RFX7: variants seen among roughly 807,000 people sequenced by gnomAD.
The protein encoded by RFX7 is regulatory factor X7.
In RFX7, 26 loss-of-function variants were observed where a neutral mutation model predicts 111.8. The ratio of observed to expected loss-of-function variants is 0.23; its 90% confidence interval spans 0.17 to 0.32. The LOEUF (loss-of-function observed/expected upper bound fraction) is 0.32, where lower values mean the gene tolerates loss of function less well. RFX7 is among the 10% of genes least tolerant of loss of function. The pLI, the probability that RFX7 is intolerant of heterozygous loss-of-function variation, is 1.00. For synonymous variants in RFX7, 624 were observed against 624.4 expected, an observed-to-expected ratio of 1.00 and a Z score of 0.01; for missense variants, 1,573 against 1,772.9, an observed-to-expected ratio of 0.89 and a Z score of 2.02.
At chr15:56,241,893 G>T (rs2043693643) in intron 2 of RFX7, among the ~76,000 whole-genome samples, 1 of 152,160 alleles carries the variant, frequency 6.6e-6, no homozygotes, top group Non-Finnish European at 1.5e-5. Flanking sequence ...AACTATTAAA[G>T]CCTGCACTGA....
At chr15:56,136,799 CTAAT>C (rs1281542884) in intron 5 of RFX7, among the ~76,000 whole-genome samples, 6 of 142,852 alleles carry the variant, frequency 4.2e-5, no homozygotes, top group African/African-American at 1.6e-4. Flanking sequence ...CCATCAATAC[CTAAT>C]TTATTGAGAG....
chr15:56,237,955 G>A (rs2043643550), intron 2 of RFX7, among the ~76,000 whole-genome samples: 1 of 152,142 alleles, frequency 6.6e-6, no homozygotes, highest in South Asian at 2.1e-4. Flanking sequence ...AGGGTAGGTA[G>A]GAGGTCAACC....
intron 3 of RFX7, among the ~76,000 whole-genome samples, chr15:56,174,741 C>T (rs542664022): frequency 2.0e-5 from 3 of 151,664 alleles, no homozygotes; most frequent in South Asian, 2.1e-4. Context: ...AGCCAGACTC[C>T]GTCTAAGAAA....
rs769221987 is a variant in RFX7 at position 56,096,098 on chromosome 15, A to T, written c.1630T>A (p.Ser544Thr). The T allele has an allele frequency of 5.6e-6, 9 of 1,613,594 alleles. No homozygotes were observed. Among genetic ancestry groups the T allele is most frequent in the Non-Finnish European group, 7.6e-6 (9 of 1,179,796 alleles). Residue 544 changes from serine to threonine, a missense_variant, in exon 10 of 10, where the codon TCA becomes ACA. This residue lies in a region of RFX7 where 625 missense variants were observed against 632.2 expected (regional missense o/e 0.99). Coordinates refer to ENST00000559447, the MANE Select transcript of RFX7 (RefSeq NM_022841.7). Reference sequence around the variant, plus strand: ...CACTGTACAGGATGCTCATCTGATGATGTTTCGGGTTCCACTTTGACTTCC... The same window carrying T: ...CACTGTACAGGATGCTCATCTGATGTTGTTTCGGGTTCCACTTTGACTTCC... ...AVEVKVEPET[S>T]SDEHPVQCQE... is the part of the protein sequence containing the mutation.
intron 3 of RFX7, among the ~76,000 whole-genome samples, chr15:56,174,744 C>T (rs1471201343): frequency 6.6e-6 from 1 of 151,562 alleles, no homozygotes. Context: ...CAGACTCCGT[C>T]TAAGAAAAAT....
At chr15:56,244,816 C>T (rs2043806269), upstream of RFX7, among the ~76,000 whole-genome samples, 1 of 151,792 alleles carries the variant, frequency 6.6e-6, no homozygotes, top group African/African-American at 2.4e-5. Flanking sequence ...GACTCCGCAC[C>T]ATTCCCCCCC....
intron 2 of RFX7, among the ~76,000 whole-genome samples, chr15:56,216,707 G>A (rs2043366097): frequency 6.6e-6 from 1 of 152,018 alleles, no homozygotes. Context: ...CCAAGTACAA[G>A]CCAGTTAAAT....
intron 2 of RFX7, among the ~76,000 whole-genome samples, chr15:56,224,582 A>T (rs775954519): frequency 2.6e-5 from 4 of 152,024 alleles, no homozygotes; most frequent in Non-Finnish European, 4.4e-5. Flanking sequence ...ACGTAGTTAC[A>T]TGAAGTCGTT....
chr15:56,095,093 C>T lies in RFX7; in HGVS notation c.2635G>A (p.Asp879Asn). The change falls in exon 10 of 10, where the codon GAT becomes AAT. Residue 879 changes from aspartate (D) to asparagine (N), a missense_variant. By Grantham distance (23) the Asp-to-Asn change is conservative. Around this residue, in one of 7 missense-constraint regions of RFX7, gnomAD observed 625 missense variants for 632.2 expected, o/e 0.99. Transcript: ENST00000559447. Reference sequence around the variant, plus strand: ...ATACTATCTTGTGTAAGTTCATCATCAAAAGGAAAGTAGCTTTCATTTGTC... The same window carrying T: ...ATACTATCTTGTGTAAGTTCATCATTAAAAGGAAAGTAGCTTTCATTTGTC... ...SQTNESYFPF[D>N]DELTQDSIVE... 1 of 1,613,894 alleles carries T rather than the reference C, an allele frequency of 6.2e-7. No individual in the cohort carries two copies. The highest frequency in any genetic ancestry group is 1.1e-5 in the South Asian group (1 of 91,064).
intron 5 of RFX7, among the ~76,000 whole-genome samples, chr15:56,142,541 C>G (rs1389007866): frequency 6.6e-6 from 1 of 152,132 alleles, no homozygotes; most frequent in African/African-American, 2.4e-5. Context: ...CACTCTCTGA[C>G]CTCCCTCCTG....
chr15:56,151,283 T>TA (rs1283042701), intron 3 of RFX7, among the ~76,000 whole-genome samples: 7 of 151,402 alleles, frequency 4.6e-5, no homozygotes, highest in Non-Finnish European at 1.0e-4. Flanking sequence ...TGAAATGAAA[T>TA]AAAAAATGGT....
At position 56,102,169 on chromosome 15, in the gene RFX7, C is replaced by T. The variant is rs2041762450; in HGVS notation, c.603G>A (p.Gly201=). The T allele has an allele frequency of 6.2e-7, 1 of 1,605,448 alleles. No individual in the cohort carries two copies. Among genetic ancestry groups the T allele is most frequent in the East Asian group, 2.2e-5 (1 of 44,780 alleles). The change falls in exon 7 of 10, where the codon GGG becomes GGA. Residue 201 remains glycine, a splice_region_variant and synonymous_variant. Coordinates refer to ENST00000559447, the MANE Select transcript of RFX7 (RefSeq NM_022841.7). Reference sequence around the variant, plus strand: ...TAAAAAGAAAAGGCTGAATTCTTACCCCATCTCCAGTTTTGTGAAAGTCAA... The same window carrying T: ...TAAAAAGAAAAGGCTGAATTCTTACTCCATCTCCAGTTTTGTGAAAGTCAA... ...PNLDFHKTGD[G]LEGAEPSGQL... is the part of the protein sequence containing the mutation.
At chr15:56,164,708 G>A (rs751447429) in intron 3 of RFX7, among the ~76,000 whole-genome samples, 6 of 152,056 alleles carry the variant, frequency 3.9e-5, no homozygotes, top group East Asian at 1.9e-4. Flanking sequence ...CCTCTGCCGC[G>A]ATTTTTTTTC....
Position 56,096,014 on chromosome 15 carries a change from T to C in RFX7, c.1714A>G (p.Lys572Glu). ...TGCAGTGCTCCGTCTGTATTACTTTTCTGCCCCAAAAGGGCACTAGGTGTC... is the reference window on the plus strand; with the variant it reads ...TGCAGTGCTCCGTCTGTATTACTTTCCTGCCCCAAAAGGGCACTAGGTGTC... ...PQTPSALLGQKSNTDGALQKP... is the reference protein window; with the variant it reads ...PQTPSALLGQESNTDGALQKP... The change falls in exon 10 of 10, where the codon AAA becomes GAA. Residue 572 changes from lysine to glutamate, a missense_variant. Physicochemically the swap from Lys to Glu is moderately conservative, Grantham distance 56 (BLOSUM62 1). This residue lies in a region of RFX7 where 625 missense variants were observed against 632.2 expected (regional missense o/e 0.99). Transcript: ENST00000559447. 1.2e-6 allele frequency: 2 copies of C among 1,613,054 alleles called. No homozygotes were observed. Among genetic ancestry groups the C allele is most frequent in the Non-Finnish European group, 1.7e-6 (2 of 1,179,500 alleles).
chr15:56,166,097 TC>T (rs2042779144), intron 3 of RFX7, among the ~76,000 whole-genome samples: 2 of 152,162 alleles, frequency 1.3e-5, no homozygotes, highest in South Asian at 4.1e-4. Context: ...AGATGGGATC[TC>T]CCTATATTGC....
rs781042944 is a variant in RFX7 at position 56,094,942 on chromosome 15, G to A, written c.2786C>T (p.Thr929Ile). Residue 929 changes from threonine to isoleucine, a missense_variant, in exon 10 of 10, where the codon ACT becomes ATT. Transcript: ENST00000559447. Reference protein sequence around the residue: ...VTPGAPMSSHTSSTHFYHPIH... With the variant: ...VTPGAPMSSHISSTHFYHPIH... ...TGGATGATAGAAGTGGGTGCTGGAA[G>A]TGTGAGATGACATTGGAGCTCCTGG... is the stretch of plus-strand genomic sequence containing the variant. 2.5e-6 allele frequency: 4 copies of A among 1,598,352 alleles called. No individual in the cohort carries two copies. Among genetic ancestry groups the A allele is most frequent in the African/African-American group, 2.7e-5 (2 of 74,688 alleles).
At chr15:56,171,959 A>C (rs2042850003) in intron 3 of RFX7, among the ~76,000 whole-genome samples, 4 of 152,228 alleles carry the variant, frequency 2.6e-5, no homozygotes, top group Admixed American at 2.6e-4. Context: ...AAATATAGAC[A>C]AAATGCAAAG....
At chr15:56,227,528 A>T (rs76249059) in intron 2 of RFX7, among the ~76,000 whole-genome samples, 10,217 of 151,986 alleles carry the variant, frequency 0.067, 458 homozygotes, top group Admixed American at 0.11. Context: ...TTATTAACAA[A>T]TTTTTTTTAT....
At chr15:56,157,447 C>T (rs1236684336) in intron 3 of RFX7, among the ~76,000 whole-genome samples, 1 of 152,176 alleles carries the variant, frequency 6.6e-6, no homozygotes, top group African/African-American at 2.4e-5. Flanking sequence ...GAGTATTTCA[C>T]ACTTTCTCTA....
Sources: gnomAD v4.1 joint callset for allele counts (sites outside exome capture counted in the v4.1 genomes callset) on GRCh38, gnomAD v4.1.1 for gene constraint, gnomAD v4.1.1 regional missense constraint, MANE v1.5 for transcripts, NCBI Gene and HGNC (gene_info 2026-07-23, HGNC 2026-07-21) for gene names.